TIMM17A: variants seen among roughly 807,000 people sequenced by gnomAD.
The protein encoded by TIMM17A is mitochondrial import inner membrane translocase subunit Tim17-A.
In TIMM17A, 15 loss-of-function variants were observed where a neutral mutation model predicts 26.5. The ratio of observed to expected loss-of-function variants is 0.57; its 90% CI spans 0.38 to 0.87. The LOEUF (loss-of-function observed/expected upper bound fraction) is 0.87. Among genes scored for constraint, TIMM17A ranks in the 40% least tolerant of loss-of-function variants. The pLI, the probability that TIMM17A is intolerant of heterozygous loss-of-function variation, is 0.00. For synonymous variants in TIMM17A, 80 were observed against 70.8 expected, an observed-to-expected ratio of 1.13 and a Z score of -0.66; for missense variants, 201 against 210.0, an observed-to-expected ratio of 0.96 and a Z score of 0.27.
rs747274226 is a variant in TIMM17A at position 201,955,568 on chromosome 1, G to A, written c.26+16G>A. 1.2e-6 allele frequency: 2 copies of A among 1,614,250 alleles called. No individual in the cohort carries two copies. The highest frequency in any genetic ancestry group is 2.7e-5 in the African/African-American group (2 of 75,070). ...GAGAGCCTTGGTGAGCTTCACCGCT[G>A]TCTTTGCATTTCTCTTGCCCCCCTG... On this transcript the variant is annotated intron_variant, in intron 1 of 5. Transcript: ENST00000367287.
chr1:201,955,593 G>C (rs1406822114), intron 1 of TIMM17A, 41 bp downstream of exon 1: 1 of 1,613,870 alleles, frequency 6.2e-7, no homozygotes, highest in Non-Finnish European at 8.5e-7. Context: ...TTGCCCCCCT[G>C]CCCACTGCCC....
At chr1:201,956,213 A>C (rs1256863395) in intron 1 of TIMM17A, among the ~76,000 whole-genome samples, 1 of 152,236 alleles carries the variant, frequency 6.6e-6, no homozygotes, top group African/African-American at 2.4e-5. Flanking sequence ...TCATTGTTAC[A>C]TCCAGCGTTT....
At chr1:201,956,941 G>C (rs1432824829) in intron 1 of TIMM17A, among the ~76,000 whole-genome samples, 2 of 146,308 alleles carry the variant, frequency 1.4e-5, no homozygotes, top group Non-Finnish European at 3.0e-5. Flanking sequence ...GGGTGACAGA[G>C]TGAGACTCCA....
intron 4 of TIMM17A, 146 bp from the exon 5 acceptor site, chr1:201,965,287 G>A: frequency 1.6e-6 from 1 of 619,156 alleles, no homozygotes; most frequent in South Asian, 2.0e-5. Flanking sequence ...GGTGGCTGTA[G>A]TTTACTGACT....
rs754880433 is a variant in TIMM17A at position 201,965,413 on chromosome 1, T to C, written c.320-20T>C. 7.2e-6 allele frequency: 11 copies of C among 1,518,900 alleles called. No homozygotes were observed. In the Admixed American group the frequency reaches 1.7e-4, roughly 23 times the overall value. The allele number at this position is 1,518,900 out of a possible 1,614,324, so 94.1% of individuals were successfully genotyped here. On this transcript the variant is annotated intron_variant, in intron 4 of 5. Transcript: ENST00000367287. ...CTAGATTTCTGTAAAAAATAATCTCTTTGTTATTAATGTCTTCAGATGGAC... is the reference window on the plus strand; with the variant it reads ...CTAGATTTCTGTAAAAAATAATCTCCTTGTTATTAATGTCTTCAGATGGAC...
chr1:201,955,657 C>G, intron 1 of TIMM17A, 105 bp downstream of exon 1: 1 of 1,513,402 alleles, frequency 6.6e-7, no homozygotes. Context: ...ACCGCAGCCT[C>G]GTCGACTTGG....
intron 5 of TIMM17A, among the ~76,000 whole-genome samples, chr1:201,965,764 G>T (rs771261501): frequency 5.3e-5 from 8 of 152,144 alleles, no homozygotes; most frequent in Non-Finnish European, 1.2e-4. Flanking sequence ...AGTACTTAGG[G>T]TTTATCAGTG....
chr1:201,965,309 G>T (rs1484888875), intron 4 of TIMM17A, 124 bp from the exon 5 acceptor site: 2 of 678,842 alleles, frequency 2.9e-6, no homozygotes, highest in Admixed American at 4.9e-5. Flanking sequence ...TGGGTCTTAG[G>T]CAATAAGAAA....
intron 4 of TIMM17A, among the ~76,000 whole-genome samples, chr1:201,964,658 T>TTTTTTTTTTTTTTTTTTTTTC (rs1682594675): frequency 7.5e-6 from 1 of 133,994 alleles, no homozygotes; most frequent in Non-Finnish European, 1.6e-5. Flanking sequence ...TTTTTTTTTT[T>TTTTTTTTTTTTTTTTTTTTTC]TTTTTTTTGA....
At position 201,957,511 on chromosome 1, in the gene TIMM17A, G is replaced by T. The variant is rs775293429; in HGVS notation, c.127G>T (p.Gly43Ter). ...AIKGFRNSPV[G>*]VNHRLRGSLT... Reference sequence around the variant, plus strand: ...TGTTGCTTCCTTTTTTTTGTTATAGGGAGTAAACCACAGACTACGAGGGAG... The same window carrying T: ...TGTTGCTTCCTTTTTTTTGTTATAGTGAGTAAACCACAGACTACGAGGGAG... The change falls in exon 3 of 6, where the codon GGA becomes TGA. Residue 43 changes from glycine to a stop codon, truncating the protein, a stop_gained and splice_region_variant. Coordinates refer to ENST00000367287, the MANE Select transcript of TIMM17A (RefSeq NM_006335.3). LOFTEE classifies it high-confidence loss of function. The T allele has an allele frequency of 6.2e-7, 1 of 1,613,042 alleles. No individual in the cohort carries two copies. The highest frequency in any genetic ancestry group is 1.3e-5 in the African/African-American group (1 of 74,802).
At chr1:201,958,137 CA>C (rs796950075) in intron 3 of TIMM17A, 29 of 142,586 alleles carry the variant, frequency 2.0e-4, no homozygotes, top group Middle Eastern at 3.6e-3. Context: ...AACTCCGTCT[CA>C]AAAAAAAAAA....
chr1:201,957,823 A>G (rs1558249339), intron 3 of TIMM17A: 6 of 408,790 alleles, frequency 1.5e-5, no homozygotes, highest in Non-Finnish European at 2.6e-5. Flanking sequence ...TTCCTTCTCC[A>G]GAAGAAAGAC....
At chr1:201,966,703 A>G (rs1298158261) in intron 5 of TIMM17A, among the ~76,000 whole-genome samples, 1 of 151,674 alleles carries the variant, frequency 6.6e-6, no homozygotes, top group East Asian at 1.9e-4. Context: ...TTAGCAGGGC[A>G]TGGTGGCACA....
At chr1:201,968,162 C>T (rs1192396530) in intron 5 of TIMM17A, among the ~76,000 whole-genome samples, 1 of 140,234 alleles carries the variant, frequency 7.1e-6, no homozygotes, top group South Asian at 2.1e-4. Context: ...ACACCTGGCT[C>T]ATTTTTTTTT....
At position 201,969,867 on chromosome 1, in the gene TIMM17A, C is replaced by T. The variant is rs7513; in HGVS notation, c.*313C>T. On this transcript the variant is annotated 3_prime_UTR_variant, in exon 6 of 6. Transcript: ENST00000367287. ...AAAAACAGTGAAATATGATCATCAT[C>T]TCCTTGCGGACTTCTCTGCCTGGTT... 0.41 allele frequency: 82,550 copies of T among 203,472 alleles called. 17,583 individuals carry two copies. The highest frequency in any genetic ancestry group is 0.5 in the South Asian group (4,571 of 9,204). 12.6% of individuals were successfully genotyped at this position (203,472 alleles called of 1,614,324 possible).
intron 5 of TIMM17A, among the ~76,000 whole-genome samples, chr1:201,968,478 C>T (rs1367769637): frequency 6.6e-6 from 1 of 151,566 alleles, no homozygotes; most frequent in Non-Finnish European, 1.5e-5. Flanking sequence ...CTGCAACCTC[C>T]ACCTCCCAGG....
chr1:201,955,518 G>T lies in TIMM17A; in HGVS notation c.-9G>T. ...CTTGCCCGGCATCACTCGCGGCATT[G>T]GAGTCAAGATGGAGGAGTACGCGCG... On this transcript the variant is annotated 5_prime_UTR_variant, in exon 1 of 6. Coordinates refer to ENST00000367287, the MANE Select transcript of TIMM17A (RefSeq NM_006335.3). 6.2e-7 allele frequency: 1 copy of T among 1,614,258 alleles called. No individual in the cohort carries two copies. The highest frequency in any genetic ancestry group is 1.1e-5 in the South Asian group (1 of 91,090).
intron 5 of TIMM17A, among the ~76,000 whole-genome samples, chr1:201,968,670 G>A (rs61821489): frequency 0.074 from 11,209 of 152,058 alleles, 486 homozygotes; most frequent in Middle Eastern, 0.18. Context: ...CACCGCACCC[G>A]GCCCCAGCTT....
At chr1:201,957,448 C>A in intron 2 of TIMM17A, 63 bp from the exon 3 acceptor site, 1 of 1,592,392 alleles carries the variant, frequency 6.3e-7, no homozygotes, top group Non-Finnish European at 8.6e-7. Context: ...ACTGGTGGTC[C>A]CATCAGTGGC....
Sources: allele counts gnomAD v4.1 joint callset (sites outside exome capture counted in the v4.1 genomes callset), GRCh38; gene constraint gnomAD v4.1.1; transcripts MANE v1.5; gene names NCBI Gene and HGNC (gene_info 2026-07-23, HGNC 2026-07-21).